The following RAB7A variants were observed in gnomAD, a reference collection of about 807,000 sequenced individuals.
RAB7A encodes the protein RAB7A, member RAS oncogene family, also known as ras-related protein Rab-7a.
RAB7A carries 2 observed loss-of-function variants against 24.5 expected under a neutral mutation model. The ratio of observed to expected loss-of-function variants is 0.08; its 90% CI spans 0.03 to 0.26. RAB7A has a LOEUF of 0.26. Among genes scored for constraint, RAB7A ranks in the 10% least tolerant of loss-of-function variants. The probability of loss-of-function intolerance (pLI) is 1.00; values close to 1 mark genes in which losing one functional copy is unlikely to be tolerated. For synonymous variants in RAB7A, 100 were observed against 95.9 expected (o/e 1.04, Z -0.25); for missense variants, 118 against 255.7 (o/e 0.46, Z 3.67).
intron 4 of RAB7A, 152 bp from the exon 5 acceptor site, chr3:128,807,391 T>C: frequency 8.9e-7 from 1 of 1,119,916 alleles, no homozygotes; most frequent in Non-Finnish European, 1.3e-6. Context: ...TTTGGACGGG[T>C]CTGCAGGTCT....
At chr3:128,810,587 C>G (rs559625619) in intron 5 of RAB7A, among the ~76,000 whole-genome samples, 1 of 152,280 alleles carries the variant, frequency 6.6e-6, no homozygotes, top group South Asian at 2.1e-4. Context: ...GCTGTGTGCA[C>G]AGAGAGAGGA....
intron 1 of RAB7A, among the ~76,000 whole-genome samples, chr3:128,746,194 C>A (rs780776222): frequency 6.6e-6 from 1 of 152,228 alleles, no homozygotes; most frequent in Non-Finnish European, 1.5e-5. Flanking sequence ...TTATTTCTCT[C>A]TCCCACCACC....
chr3:128,740,740 TAAA>T (rs759890070), intron 1 of RAB7A, among the ~76,000 whole-genome samples: 22 of 135,568 alleles, frequency 1.6e-4, no homozygotes, highest in African/African-American at 5.4e-4. Context: ...TACAAAAAGT[TAAA>T]AAAAAAAAAA....
chr3:128,767,986 A>G lies in RAB7A; in HGVS notation c.-8-27374A>G, dbSNP rs146125202. Among the ~76,000 whole-genome samples the G allele has an allele frequency of 5.3e-5, 8 of 152,308 alleles. No individual in the cohort carries two copies. The East Asian group carries it at 1.5e-3, about 29-fold the overall frequency. ...TGAATACATACCATTCAAAGATGGT[A>G]TGTATTGTGTGAAACCATCACCATA... On this transcript the variant is annotated intron_variant, in intron 1 of 5. Coordinates refer to ENST00000265062, the MANE Select transcript of RAB7A (RefSeq NM_004637.6).
intron 1 of RAB7A, among the ~76,000 whole-genome samples, chr3:128,784,789 T>A (rs1244836383): frequency 4.6e-5 from 7 of 152,168 alleles, no homozygotes; most frequent in Non-Finnish European, 2.9e-5. Context: ...ACTTAACACG[T>A]CTTGATCACA....
chr3:128,777,300 C>T lies in RAB7A; in HGVS notation c.-8-18060C>T, dbSNP rs541997060. ...CCTTGACATCCTGGGCTCAAGTGATCTTCCCACTTCAGCCTCCCAAGTAGC... is the reference window on the plus strand; with the variant it reads ...CCTTGACATCCTGGGCTCAAGTGATTTTCCCACTTCAGCCTCCCAAGTAGC... On this transcript the variant is annotated intron_variant, in intron 1 of 5. Transcript: ENST00000265062. 1.1e-3 allele frequency among the ~76,000 whole-genome samples: 162 copies of T among 152,184 alleles called. 1 individual carries two copies. The highest frequency in any genetic ancestry group is 3.7e-3 in the African/African-American group (154 of 41,522).
At chr3:128,809,815 G>A (rs971522011) in intron 5 of RAB7A, among the ~76,000 whole-genome samples, 6 of 151,848 alleles carry the variant, frequency 4.0e-5, no homozygotes, top group African/African-American at 1.2e-4. Context: ...CTAAATGCTC[G>A]TATGTGCTGG....
At chr3:128,804,079 A>C (rs12493061) in intron 3 of RAB7A, among the ~76,000 whole-genome samples, 3,367 of 150,994 alleles carry the variant, frequency 0.022, 69 homozygotes, top group Non-Finnish European at 0.035. Context: ...CTGTTATCAC[A>C]AGTTCCTGCT....
At chr3:128,793,575 C>T (rs1163109143) in intron 1 of RAB7A, among the ~76,000 whole-genome samples, 1 of 152,214 alleles carries the variant, frequency 6.6e-6, no homozygotes, top group Non-Finnish European at 1.5e-5. Context: ...CCCCCATTAT[C>T]ATCATCTGAT....
At chr3:128,757,232 T>C (rs2070737298) in intron 1 of RAB7A, among the ~76,000 whole-genome samples, 1 of 152,194 alleles carries the variant, frequency 6.6e-6, no homozygotes, top group Admixed American at 6.5e-5. Context: ...TAAGCAGTTA[T>C]TCTCCATTTT....
At chr3:128,764,584 G>A (rs2070809649) in intron 1 of RAB7A, 1 of 1,402,676 alleles carries the variant, frequency 7.1e-7, no homozygotes, top group African/African-American at 1.4e-5. Flanking sequence ...TTCTTTGATG[G>A]CTTTCACCTG....
chr3:128,727,310 G>A (rs1279691277), intron 1 of RAB7A, among the ~76,000 whole-genome samples: 1 of 152,210 alleles, frequency 6.6e-6, no homozygotes, highest in African/African-American at 2.4e-5. Flanking sequence ...AAGTTACGAA[G>A]CAGAGATGCA....
chr3:128,779,331 C>G (rs1256069663), intron 1 of RAB7A, among the ~76,000 whole-genome samples: 1 of 151,658 alleles, frequency 6.6e-6, no homozygotes, highest in East Asian at 1.9e-4. Flanking sequence ...TTGCTTGAGC[C>G]CAGGAGACAA....
intron 3 of RAB7A, among the ~76,000 whole-genome samples, chr3:128,804,723 A>G (rs1933765593): frequency 6.6e-6 from 1 of 152,198 alleles, no homozygotes; most frequent in Non-Finnish European, 1.5e-5. Context: ...CCTAACAGTA[A>G]CAGAGTTCTT....
chr3:128,798,918 T>G, intron 3 of RAB7A: 1 of 285,672 alleles, frequency 3.5e-6, no homozygotes. Flanking sequence ...AGGTTGTCAG[T>G]ACAACCTCAC....
chr3:128,728,479 T>A (rs892283743), intron 1 of RAB7A, among the ~76,000 whole-genome samples: 1 of 152,232 alleles, frequency 6.6e-6, no homozygotes, highest in African/African-American at 2.4e-5. Flanking sequence ...ATTTATATTT[T>A]GAGACGGAGT....
chr3:128,763,206 ATATT>A (rs1437283302), intron 1 of RAB7A, among the ~76,000 whole-genome samples: 4 of 100,492 alleles, frequency 4.0e-5, no homozygotes, highest in African/African-American at 2.2e-4. Context: ...ATATATATAT[ATATT>A]TTTTTTTTTT....
At chr3:128,730,571 C>T (rs1041831703) in intron 1 of RAB7A, among the ~76,000 whole-genome samples, 4 of 152,070 alleles carry the variant, frequency 2.6e-5, no homozygotes, top group Non-Finnish European at 4.4e-5. Flanking sequence ...GTGGTCACTG[C>T]GATTTGTGAA....
chr3:128,753,657 T>C (rs1034880746), intron 1 of RAB7A, among the ~76,000 whole-genome samples: 1 of 152,216 alleles, frequency 6.6e-6, no homozygotes, highest in South Asian at 2.1e-4. Flanking sequence ...TAAGTTGCCC[T>C]CTGCTTTCAA....
Sources: gnomAD v4.1 joint callset for allele counts (sites outside exome capture counted in the v4.1 genomes callset) on GRCh38, gnomAD v4.1.1 for gene constraint, MANE v1.5 for transcripts, NCBI Gene and HGNC (gene_info 2026-07-23, HGNC 2026-07-21) for gene names.